Variants in FHIP2A observed in about 807,000 individuals in gnomAD.
FHIP2A encodes the protein FHF complex subunit HOOK interacting protein 2A.
FHIP2A carries 46 observed loss-of-function variants against 93.5 expected under a neutral mutation model. That is an observed-to-expected ratio of 0.49 (90% CI 0.39 to 0.63). The LOEUF (loss-of-function observed/expected upper bound fraction) is 0.63, where lower values mean the gene tolerates loss of function less well. Among genes scored for constraint, FHIP2A ranks in the 20% least tolerant of loss-of-function variants. The pLI is 0.00. For missense variants in FHIP2A, 769 were observed against 909.7 expected (o/e 0.85, Z 1.99); for synonymous variants, 332 against 326.5 (o/e 1.02, Z -0.18).
chr10:114,869,040 C>T (rs1029459232), downstream of FHIP2A, among the ~76,000 whole-genome samples: 1 of 152,102 alleles, frequency 6.6e-6, no homozygotes, highest in Non-Finnish European at 1.5e-5. Context: ...GCTGTTATTG[C>T]CTCAGGCCTG....
intron 16 of FHIP2A, among the ~76,000 whole-genome samples, chr10:114,872,925 A>G (rs1023636099): frequency 2.0e-5 from 3 of 152,238 alleles, no homozygotes; most frequent in Admixed American, 2.0e-4. Context: ...TGGAAAACAG[A>G]AACCACACAA....
rs1349995659 is a variant in FHIP2A, at chr10:114,822,040, A to C, written c.-39A>C. The stretch of plus-strand genomic sequence containing the variant: ...GCGGCGGCGGATCGAGGAGCTCTCC[A>C]GGTCGTCCCGGGAGAGGCTGCTGCA... On this transcript the variant is annotated 5_prime_UTR_variant, in exon 1 of 17. Transcript: ENST00000369248. The C allele has an allele frequency of 8.8e-6, 11 of 1,247,338 alleles. No individual in the cohort carries two copies. The East Asian group carries it at 3.8e-4, about 43-fold the overall frequency. 77.3% of individuals were successfully genotyped at this position (1,247,338 alleles called of 1,614,324 possible). A position where few individuals can be genotyped will look rare whatever the true frequency, so the allele number is the denominator to read the frequency against.
At chr10:114,854,366 C>T (rs1311913822) in intron 13 of FHIP2A, among the ~76,000 whole-genome samples, 1 of 152,084 alleles carries the variant, frequency 6.6e-6, no homozygotes, top group Non-Finnish European at 1.5e-5. Context: ...GTGGCACATG[C>T]CTGTAATTCC....
rs1309207275 is a variant in FHIP2A at position 114,862,061 on chromosome 10, GAATT to G, written c.*527_*530del. On this transcript the variant is annotated 3_prime_UTR_variant, in exon 17 of 17. Transcript: ENST00000369248. ...AAATACAATTCAGAAACCATTGAAT[GAATT>G]AATTATAGGCGATAAAAATGTGTAG... 1.7e-5 allele frequency: 16 copies of G among 965,202 alleles called. No individual in the cohort carries two copies. In the East Asian group the frequency reaches 5.7e-4, roughly 35 times the overall value. The allele number at this position is 965,202 out of a possible 1,614,324, so 59.8% of individuals were successfully genotyped here.
intron 16 of FHIP2A, among the ~76,000 whole-genome samples, chr10:114,881,773 A>G (rs2083918387): frequency 6.6e-6 from 1 of 152,198 alleles, no homozygotes; most frequent in Non-Finnish European, 1.5e-5. Context: ...CCCAATGCCC[A>G]TTCTAGGCCA....
chr10:114,853,631 T>C (rs538684513), intron 13 of FHIP2A, among the ~76,000 whole-genome samples: 2 of 152,342 alleles, frequency 1.3e-5, no homozygotes, highest in African/African-American at 4.8e-5. Context: ...TTCAGAAATA[T>C]TAGAAAAACC....
At position 114,862,903 on chromosome 10, in the gene FHIP2A, T is replaced by G; in HGVS notation, c.*1363T>G. The G allele has an allele frequency of 7.1e-6, 7 of 985,484 alleles. No individual in the cohort carries two copies. The highest frequency in any genetic ancestry group is 8.4e-6 in the Non-Finnish European group (7 of 829,944). The allele number at this position is 985,484 out of a possible 1,614,324, so 61.0% of individuals were successfully genotyped here. On this transcript the variant is annotated 3_prime_UTR_variant, in exon 17 of 17. Transcript: ENST00000369248. ...TCACTACCCCCTCTAGGAAGTTATT[T>G]TATGTAGCATGTTTGCATATACGCA...
chr10:114,831,030 A>G, intron 2 of FHIP2A, 100 bp downstream of exon 2: 1 of 655,702 alleles, frequency 1.5e-6, no homozygotes, highest in Non-Finnish European at 2.6e-6. Flanking sequence ...AAGTTATTTT[A>G]TATTTAAGTT....
chr10:114,882,145 C>G (rs995585080), intron 16 of FHIP2A, among the ~76,000 whole-genome samples: 1 of 152,210 alleles, frequency 6.6e-6, no homozygotes, highest in Admixed American at 6.5e-5. Flanking sequence ...AGTTCATGGG[C>G]TTTTTCGGGA....
In FHIP2A at chr10:114,861,966, T is replaced by C; in HGVS notation, c.*426T>C. On this transcript the variant is annotated 3_prime_UTR_variant, in exon 17 of 17. Coordinates refer to ENST00000369248, the MANE Select transcript of FHIP2A (RefSeq NM_020940.4). Reference sequence around the variant, plus strand: ...TGGATTAATAAGTAGCAAAAAAAAATCACTAATTTTATAACTTTTTAAGGT... The same window carrying C: ...TGGATTAATAAGTAGCAAAAAAAAACCACTAATTTTATAACTTTTTAAGGT... The C allele has an allele frequency of 1.0e-6, 1 of 982,080 alleles. No individual in the cohort carries two copies. Among genetic ancestry groups the C allele is most frequent in the Non-Finnish European group, 1.2e-6 (1 of 826,704 alleles). The allele number at this position is 982,080 out of a possible 1,614,324, so 60.8% of individuals were successfully genotyped here. A position where few individuals can be genotyped will look rare whatever the true frequency, so the allele number is the denominator to read the frequency against.
intron 16 of FHIP2A, among the ~76,000 whole-genome samples, chr10:114,872,019 G>A (rs1405320540): frequency 6.6e-6 from 1 of 152,164 alleles, no homozygotes; most frequent in East Asian, 1.9e-4. Context: ...AAGTCCATAC[G>A]TTGGCCTGAT....
At chr10:114,825,219 T>C (rs572730239) in intron 1 of FHIP2A, among the ~76,000 whole-genome samples, 15 of 152,282 alleles carry the variant, frequency 9.9e-5, no homozygotes, top group African/African-American at 3.6e-4. Context: ...GGCCTCACAA[T>C]GTAGACACTG....
rs973534968 is a variant in FHIP2A, at chr10:114,863,982, A to T, written c.*2442A>T. 9.4e-7 allele frequency: 1 copy of T among 1,065,508 alleles called. No individual in the cohort carries two copies. Among genetic ancestry groups the T allele is most frequent in the Non-Finnish European group, 1.1e-6 (1 of 877,522 alleles). The allele number at this position is 1,065,508 out of a possible 1,614,324, so 66.0% of individuals were successfully genotyped here. On this transcript the variant is annotated 3_prime_UTR_variant, in exon 17 of 17. Transcript: ENST00000369248. The stretch of plus-strand genomic sequence containing the variant: ...ACTTGATAGAACTCAGATTTGTCTT[A>T]GCCTATTGCCATATAGTACTCACCT...
intron 3 of FHIP2A, among the ~76,000 whole-genome samples, chr10:114,835,296 A>G (rs975576409): frequency 6.6e-6 from 1 of 152,244 alleles, no homozygotes; most frequent in Admixed American, 6.5e-5. Context: ...TTGTAACTAC[A>G]TGAGCCTGTG....
At chr10:114,859,414 AG>A (rs372239519) in intron 14 of FHIP2A, among the ~76,000 whole-genome samples, 215 of 152,296 alleles carry the variant, frequency 1.4e-3, no homozygotes, top group African/African-American at 4.9e-3. Flanking sequence ...AAGGCTTTGC[AG>A]GTTGTTCAGT....
In FHIP2A at chr10:114,828,390, G is replaced by A. The variant is rs181291055; in HGVS notation, c.46-2462G>A. ...CCACTCCTGAAATAATCTGGAAAAA[G>A]GATACTGTAACTCCTCATATACCCA... On this transcript the variant is annotated intron_variant, in intron 1 of 16. Coordinates refer to ENST00000369248, the MANE Select transcript of FHIP2A (RefSeq NM_020940.4). Among the ~76,000 whole-genome samples, 3 of 152,240 alleles carry A rather than the reference G, an allele frequency of 2.0e-5. No individual in the cohort carries two copies. In the East Asian group the frequency reaches 5.8e-4, roughly 29 times the overall value.
intron 12 of FHIP2A, among the ~76,000 whole-genome samples, 177 bp from the exon 13 acceptor site, chr10:114,848,470 G>A (rs752166144): frequency 4.6e-5 from 7 of 151,686 alleles, no homozygotes; most frequent in East Asian, 1.9e-4. Context: ...TTCATTTCTC[G>A]GGTTTCCATT....
intron 16 of FHIP2A, among the ~76,000 whole-genome samples, chr10:114,891,221 T>A (rs1035333225): frequency 4.2e-5 from 5 of 119,036 alleles, no homozygotes; most frequent in African/African-American, 1.7e-4. Context: ...CAACAACAAA[T>A]ATATATATAT....
chr10:114,899,551 A>C lies in FHIP2A; in HGVS notation c.*37A>C, dbSNP rs187651306. On this transcript the variant is annotated 3_prime_UTR_variant, in exon 17 of 17. Transcript: ENST00000369250. ...GAGTCTCTTATGTCCTCAAAGCTTC[A>C]AGCTCAGCCAAAAGAATCTCGATGG... is the stretch of plus-strand genomic sequence containing the variant. The C allele has an allele frequency of 2.6e-5, 19 of 717,888 alleles. No individual in the cohort carries two copies. In the Admixed American group the frequency reaches 2.8e-4, roughly 11 times the overall value. 44.5% of individuals were successfully genotyped at this position (717,888 alleles called of 1,614,324 possible). A position where few individuals can be genotyped will look rare whatever the true frequency, so the allele number is the denominator to read the frequency against.
Sources: gnomAD v4.1 joint callset for allele counts (sites outside exome capture counted in the v4.1 genomes callset) on GRCh38, gnomAD v4.1.1 for gene constraint, MANE v1.5 for transcripts, NCBI Gene and HGNC (gene_info 2026-07-23, HGNC 2026-07-21) for gene names.